The following RFX3 variants were observed in gnomAD, a reference collection of about 807,000 sequenced individuals.
The protein encoded by RFX3 is transcription factor RFX3.
RFX3 carries 14 observed loss-of-function variants against 98.6 expected under a neutral mutation model. That is an observed-to-expected ratio of 0.14 (90% CI 0.09 to 0.22). The LOEUF (loss-of-function observed/expected upper bound fraction) is 0.22. Among genes scored for constraint, RFX3 ranks in the 10% least tolerant of loss-of-function variants. RFX3 has a pLI of 1.00. For synonymous variants in RFX3, 383 were observed against 328.4 expected (o/e 1.17, Z -1.80); for missense variants, 639 against 926.9 (o/e 0.69, Z 4.03).
intron 1 of RFX3, among the ~76,000 whole-genome samples, chr9:3,396,824 C>A (rs1840939178): frequency 6.6e-6 from 1 of 152,122 alleles, no homozygotes; most frequent in Non-Finnish European, 1.5e-5. Flanking sequence ...TGTCTTTTGG[C>A]TGCATAAATA....
At chr9:3,436,292 A>G (rs1845115781) in intron 1 of RFX3, among the ~76,000 whole-genome samples, 1 of 152,072 alleles carries the variant, frequency 6.6e-6, no homozygotes. Context: ...TCTGGTAATT[A>G]CAACCAGTAT....
chr9:3,504,291 ATATAT>A (rs1816442730), intron 1 of RFX3, among the ~76,000 whole-genome samples: 2 of 100,390 alleles, frequency 2.0e-5, no homozygotes, highest in African/African-American at 1.1e-4. Context: ...CATATAAAAT[ATATAT>A]TATATACCAC....
At chr9:3,505,075 AAAAAT>A (rs1816794212) in intron 1 of RFX3, among the ~76,000 whole-genome samples, 1 of 94,570 alleles carries the variant, frequency 1.1e-5, no homozygotes, top group Non-Finnish European at 1.8e-5. Context: ...AATAAAATAT[AAAAAT>A]AAAATATTTT....
intron 4 of RFX3, among the ~76,000 whole-genome samples, chr9:3,321,250 A>ATATATATT (rs1831276404): frequency 6.6e-6 from 1 of 152,154 alleles, no homozygotes; most frequent in Non-Finnish European, 1.5e-5. Flanking sequence ...TATAGTTTTT[A>ATATATATT]TGTAGCATTT....
chr9:3,225,280 T>C lies in RFX3; in HGVS notation c.2012A>G (p.Asp671Gly). Residue 671 changes from aspartate (D) to glycine (G), a missense_variant and splice_region_variant, in exon 17 of 17, where the codon GAT becomes GGT. Transcript: ENST00000617270. ...NAVSPGNLDKDEGSEVESEMD... is the reference protein window; with the variant it reads ...NAVSPGNLDKGEGSEVESEMD... ...TTCACTTTCTACTTCACTGCCTTCA[T>C]CTGCACAAACAAATAATACCAAGAC... 4 of 1,613,206 alleles carry C rather than the reference T, an allele frequency of 2.5e-6. No homozygotes were observed. The highest frequency in any genetic ancestry group is 2.5e-6 in the Non-Finnish European group (3 of 1,179,820).
intron 1 of RFX3, among the ~76,000 whole-genome samples, chr9:3,489,781 C>G (rs1165322625): frequency 6.6e-6 from 1 of 152,246 alleles, no homozygotes; most frequent in East Asian, 1.9e-4. Flanking sequence ...CTATGAGTCT[C>G]ATATTTGTGC....
rs572495066 is a variant in RFX3 at position 3,523,424 on chromosome 9, A to G, written c.-9+2323T>C. On this transcript the variant is annotated intron_variant, in intron 1 of 16. Transcript: ENST00000617270. The stretch of plus-strand genomic sequence containing the variant: ...ATTTAATCAATTCCACAGCAGCTCT[A>G]ATAGCAATTTTATCCCACATATATG... Among the ~76,000 whole-genome samples, 35 of 152,282 alleles carry G rather than the reference A, an allele frequency of 2.3e-4. No individual in the cohort carries two copies. The South Asian group carries it at 6.8e-3, about 30-fold the overall frequency.
chr9:3,504,863 A>ACATATAT (rs1491554743), intron 1 of RFX3, among the ~76,000 whole-genome samples: 2 of 77,224 alleles, frequency 2.6e-5, no homozygotes, highest in African/African-American at 1.4e-4. Flanking sequence ...ATATGATATA[A>ACATATAT]TATATATTAT....
intron 1 of RFX3, among the ~76,000 whole-genome samples, chr9:3,415,902 C>T (rs1842940700): frequency 6.6e-6 from 1 of 152,134 alleles, no homozygotes; most frequent in Non-Finnish European, 1.5e-5. Flanking sequence ...AGCCACTAGC[C>T]TTCCTGAAGT....
intron 2 of RFX3, among the ~76,000 whole-genome samples, chr9:3,363,538 C>T (rs956206573): frequency 6.6e-6 from 1 of 152,096 alleles, no homozygotes; most frequent in Non-Finnish European, 1.5e-5. Flanking sequence ...GCACTATAGT[C>T]TAAATAGCAG....
At chr9:3,407,051 TG>T (rs1270936309) in intron 1 of RFX3, among the ~76,000 whole-genome samples, 2 of 152,336 alleles carry the variant, frequency 1.3e-5, no homozygotes, top group East Asian at 3.9e-4. Context: ...TTAGAATAAG[TG>T]GCCTGGTATG....
chr9:3,367,634 G>T (rs559739676), intron 2 of RFX3, among the ~76,000 whole-genome samples: 1 of 152,126 alleles, frequency 6.6e-6, no homozygotes, highest in Non-Finnish European at 1.5e-5. Context: ...ACCTCCATGG[G>T]TTTTCAGAAT....
At chr9:3,336,561 T>C (rs1387334600) in intron 3 of RFX3, among the ~76,000 whole-genome samples, 4 of 152,056 alleles carry the variant, frequency 2.6e-5, no homozygotes, top group African/African-American at 7.2e-5. Context: ...GAATAAAATT[T>C]TAGGAAGACA....
intron 2 of RFX3, among the ~76,000 whole-genome samples, chr9:3,388,294 A>G (rs1839933485): frequency 2.0e-5 from 3 of 152,144 alleles, no homozygotes; most frequent in Admixed American, 2.0e-4. Context: ...CAAAATAAAG[A>G]GATCTAATGG....
At chr9:3,518,204 AAC>A (rs1818362339) in intron 1 of RFX3, among the ~76,000 whole-genome samples, 1 of 152,172 alleles carries the variant, frequency 6.6e-6, no homozygotes, top group African/African-American at 2.4e-5. Flanking sequence ...GAAATCACCT[AAC>A]TACGTAATTC....
At chr9:3,331,631 C>T (rs1255427131) in intron 3 of RFX3, among the ~76,000 whole-genome samples, 2 of 152,186 alleles carry the variant, frequency 1.3e-5, no homozygotes, top group African/African-American at 4.8e-5. Context: ...TATGGCTCTC[C>T]TTTTCCACTT....
chr9:3,471,068 A>G (rs1019433045), intron 1 of RFX3, among the ~76,000 whole-genome samples: 4 of 152,216 alleles, frequency 2.6e-5, no homozygotes, highest in Non-Finnish European at 4.4e-5. Context: ...ATTATTTTAT[A>G]CAGATGAGAG....
intron 1 of RFX3, among the ~76,000 whole-genome samples, chr9:3,459,334 C>G (rs555276937): frequency 2.0e-5 from 3 of 152,202 alleles, no homozygotes; most frequent in Admixed American, 2.0e-4. Flanking sequence ...AGGAATTTTA[C>G]CAAAGGGTTC....
At chr9:3,298,277 T>C (rs953873636) in intron 5 of RFX3, among the ~76,000 whole-genome samples, 3 of 151,844 alleles carry the variant, frequency 2.0e-5, no homozygotes, top group Non-Finnish European at 4.4e-5. Context: ...AGAGAAATAA[T>C]TGAGTGACCA....
Sources: gnomAD v4.1 joint callset for allele counts (sites outside exome capture counted in the v4.1 genomes callset) on GRCh38, gnomAD v4.1.1 for gene constraint, MANE v1.5 for transcripts, NCBI Gene and HGNC (gene_info 2026-07-23, HGNC 2026-07-21) for gene names.